Variants in CADPS observed in about 807,000 individuals in gnomAD.
CADPS encodes the protein calcium-dependent secretion activator 1.
Under a neutral mutation model 167.3 loss-of-function variants are expected in CADPS, and 57 were observed. The observed-to-expected ratio is 0.34, with a 90% CI of 0.28 to 0.42. CADPS has a LOEUF of 0.42. Among genes scored for constraint, CADPS ranks in the 20% least tolerant of loss-of-function variants. The probability of loss-of-function intolerance (pLI) is 1.00; values close to 1 mark genes in which losing one functional copy is unlikely to be tolerated. For missense variants in CADPS, 1,414 were observed against 1,738.1 expected, an observed-to-expected ratio of 0.81 and a Z score of 3.32; for synonymous variants, 676 against 635.3, an observed-to-expected ratio of 1.06 and a Z score of -0.96.
chr3:62,685,366 G>A (rs13061208), intron 3 of CADPS, among the ~76,000 whole-genome samples: 12,095 of 151,902 alleles, frequency 0.08, 634 homozygotes, highest in Non-Finnish European at 0.12. Flanking sequence ...GAAACAATGC[G>A]TAGAGTTTAT....
chr3:62,581,672 C>T (rs182141290), intron 8 of CADPS, among the ~76,000 whole-genome samples: 2 of 151,902 alleles, frequency 1.3e-5, no homozygotes, highest in Admixed American at 6.6e-5. Context: ...CAGAGCAAGA[C>T]CCTGTCTCAA....
At chr3:62,575,290 G>A (rs1000216588) in intron 8 of CADPS, among the ~76,000 whole-genome samples, 3 of 152,196 alleles carry the variant, frequency 2.0e-5, no homozygotes, top group Admixed American at 6.5e-5. Flanking sequence ...AGTGTTACAA[G>A]TTTTCTGTGC....
intron 27 of CADPS, among the ~76,000 whole-genome samples, chr3:62,444,485 A>G (rs1200228643): frequency 6.6e-6 from 1 of 152,228 alleles, no homozygotes; most frequent in Non-Finnish European, 1.5e-5. Flanking sequence ...AAATTTGAGT[A>G]GTTAGCTCCC....
At chr3:62,801,973 A>C (rs935025976) in intron 1 of CADPS, among the ~76,000 whole-genome samples, 4 of 152,188 alleles carry the variant, frequency 2.6e-5, no homozygotes, top group African/African-American at 9.6e-5. Flanking sequence ...GTTTTAGCAC[A>C]CTTTGCTTGT....
chr3:62,635,430 A>G (rs1235852896), intron 6 of CADPS, among the ~76,000 whole-genome samples: 2 of 152,128 alleles, frequency 1.3e-5, no homozygotes, highest in Non-Finnish European at 2.9e-5. Context: ...CAGAAGAAGA[A>G]CATCCAAAAA....
chr3:62,630,222 T>G (rs2065026231), intron 6 of CADPS, among the ~76,000 whole-genome samples: 1 of 152,168 alleles, frequency 6.6e-6, no homozygotes, highest in South Asian at 2.1e-4. Flanking sequence ...TAAATCAGAA[T>G]GCAAAGTGAA....
chr3:62,584,254 G>C (rs140716771), intron 8 of CADPS, among the ~76,000 whole-genome samples: 1 of 152,004 alleles, frequency 6.6e-6, no homozygotes, highest in Admixed American at 6.5e-5. Flanking sequence ...TGATCCTCCC[G>C]TCTCGGCCTC....
intron 6 of CADPS, among the ~76,000 whole-genome samples, chr3:62,604,278 C>T (rs761288369): frequency 6.6e-6 from 1 of 152,156 alleles, no homozygotes; most frequent in African/African-American, 2.4e-5. Context: ...TCTGGATCTG[C>T]CTGCCTGTCT....
chr3:62,526,711 C>G (rs537741284), intron 13 of CADPS, among the ~76,000 whole-genome samples: 13 of 152,178 alleles, frequency 8.5e-5, no homozygotes, highest in Non-Finnish European at 1.5e-4. Context: ...TCACATTTTC[C>G]TTTTTCTCCT....
chr3:62,820,719 C>T (rs1576871649), intron 1 of CADPS, among the ~76,000 whole-genome samples: 1 of 152,208 alleles, frequency 6.6e-6, no homozygotes, highest in African/African-American at 2.4e-5. Flanking sequence ...TATACCATTC[C>T]CTTTGTTTGG....
chr3:62,471,028 C>A (rs189956507), intron 24 of CADPS, among the ~76,000 whole-genome samples: 5 of 152,280 alleles, frequency 3.3e-5, no homozygotes, highest in Admixed American at 3.3e-4. Context: ...AAGTCCAAGA[C>A]AACTTTCTGA....
chr3:62,854,720 A>T (rs1488163679), intron 1 of CADPS, among the ~76,000 whole-genome samples: 1 of 152,180 alleles, frequency 6.6e-6, no homozygotes, highest in Non-Finnish European at 1.5e-5. Flanking sequence ...CCAATGTAAA[A>T]CATCTACATT....
chr3:62,405,741 G>A (rs1319705114), intron 28 of CADPS, among the ~76,000 whole-genome samples: 1 of 152,140 alleles, frequency 6.6e-6, no homozygotes, highest in Non-Finnish European at 1.5e-5. Context: ...TGTAAAAAAT[G>A]TATGATGCCC....
At chr3:62,700,841 C>G (rs2081257745) in intron 3 of CADPS, among the ~76,000 whole-genome samples, 1 of 152,134 alleles carries the variant, frequency 6.6e-6, no homozygotes, top group South Asian at 2.1e-4. Context: ...GCTGCTATCA[C>G]AAAATACCAT....
At chr3:62,575,055 C>T (rs1246260053) in intron 8 of CADPS, among the ~76,000 whole-genome samples, 1 of 152,204 alleles carries the variant, frequency 6.6e-6, no homozygotes, top group Non-Finnish European at 1.5e-5. Flanking sequence ...AACAGCCTCA[C>T]ACTTTTCTGG....
intron 4 of CADPS, among the ~76,000 whole-genome samples, chr3:62,658,902 G>A (rs2072433015): frequency 6.6e-6 from 1 of 152,186 alleles, no homozygotes; most frequent in Admixed American, 6.6e-5. Flanking sequence ...GATAATGAAT[G>A]TGACACATGG....
Position 62,715,850 on chromosome 3 carries a change from G to A in CADPS, c.888+37591C>T, listed in dbSNP as rs937646739. ...CAGCTCACTGCAAGCTCCGCCTCCC[G>A]GGTTCATGCCTCAGCCTCCTGAGTA... On this transcript the variant is annotated intron_variant, in intron 3 of 29. Coordinates refer to ENST00000383710, the MANE Select transcript of CADPS (RefSeq NM_003716.4). 1.5e-4 allele frequency among the ~76,000 whole-genome samples: 8 copies of A among 51,794 alleles called. 1 individual carries two copies. The highest frequency in any genetic ancestry group is 5.6e-4 in the South Asian group (1 of 1,776). 34.0% of individuals were successfully genotyped at this position (51,794 alleles called of 152,430 possible).
chr3:62,637,480 C>T (rs2066527844), intron 6 of CADPS, among the ~76,000 whole-genome samples: 1 of 152,178 alleles, frequency 6.6e-6, no homozygotes, highest in East Asian at 1.9e-4. Flanking sequence ...ACGTGTTACA[C>T]CTCACAGTGC....
intron 1 of CADPS, among the ~76,000 whole-genome samples, chr3:62,785,474 C>A (rs2092329011): frequency 6.6e-6 from 1 of 152,102 alleles, no homozygotes; most frequent in Non-Finnish European, 1.5e-5. Flanking sequence ...GTTGTTGATA[C>A]CAAAGTAACC....
Sources: allele counts gnomAD v4.1 joint callset (sites outside exome capture counted in the v4.1 genomes callset), GRCh38; gene constraint gnomAD v4.1.1; transcripts MANE v1.5; gene names NCBI Gene and HGNC (gene_info 2026-07-23, HGNC 2026-07-21).